Variants in WDR11 observed in about 807,000 individuals in gnomAD.
WDR11 encodes WD repeat domain 11.
WDR11 carries 83 observed loss-of-function variants against 151.2 expected under a neutral mutation model. The ratio of observed to expected loss-of-function variants is 0.55; its 90% CI spans 0.46 to 0.66. The LOEUF (loss-of-function observed/expected upper bound fraction) is 0.66. WDR11 is among the 30% of genes least tolerant of loss of function. The probability of loss-of-function intolerance (pLI) is 0.00; values close to 1 mark genes in which losing one functional copy is unlikely to be tolerated. For missense variants in WDR11, 1,301 were observed against 1,480.9 expected, an observed-to-expected ratio of 0.88 and a Z score of 1.99; for synonymous variants, 484 against 533.1, an observed-to-expected ratio of 0.91 and a Z score of 1.27.
Position 120,904,677 on chromosome 10 carries a change from C to G in WDR11, c.3059C>G (p.Thr1020Arg). Residue 1020 changes from threonine (T) to arginine (R), a missense_variant, in exon 25 of 29, where the codon ACA (threonine) becomes AGA (arginine). By Grantham distance (71) the Thr-to-Arg change is moderately conservative (BLOSUM62 -1). Transcript: ENST00000263461. Reference protein sequence around the residue: ...TDRAVQLLLETSADNQHYYCD... With the variant: ...TDRAVQLLLERSADNQHYYCD... The stretch of plus-strand genomic sequence containing the variant: ...AGAGCTGTGCAGTTGCTGTTGGAAA[C>G]AAGTGCAGATAACCAGCATTATTAC... The G allele has an allele frequency of 1.2e-6, 2 of 1,614,182 alleles. No homozygotes were observed. Among genetic ancestry groups the G allele is most frequent in the Non-Finnish European group, 1.7e-6 (2 of 1,180,022 alleles).
intron 5 of WDR11, among the ~76,000 whole-genome samples, chr10:120,863,184 T>C (rs903745789): frequency 2.6e-5 from 4 of 152,256 alleles, no homozygotes; most frequent in Non-Finnish European, 2.9e-5. Context: ...TGATTTTTAC[T>C]TGTGAAAATC....
chr10:120,889,074 C>A lies in WDR11; in HGVS notation c.2122-4C>A. 1 of 1,599,542 alleles carries A rather than the reference C, an allele frequency of 6.3e-7. No individual in the cohort carries two copies. Among genetic ancestry groups the A allele is most frequent in the Non-Finnish European group, 8.6e-7 (1 of 1,167,028 alleles). On this transcript the variant is annotated splice_region_variant and splice_polypyrimidine_tract_variant and intron_variant, in intron 16 of 28. Coordinates refer to ENST00000263461, the MANE Select transcript of WDR11 (RefSeq NM_018117.12). ...TATATTTGTTTGTTGCTGTTGTTTT[C>A]TAGGGAAGTATGGGTAGTATTACCT...
intron 9 of WDR11, chr10:120,868,762 G>A (rs1846408742): frequency 6.6e-6 from 1 of 152,142 alleles, no homozygotes; most frequent in Non-Finnish European, 1.5e-5. Context: ...GTCATCTTGG[G>A]TAAGACCATC....
Position 120,904,063 on chromosome 10 carries a change from G to A in WDR11, c.2948G>A (p.Arg983Lys), listed in dbSNP as rs1847940633. ...CAATTCTAGAAATTTCAGCTAGAAA[G>A]GGTTAATCTGCAGGAAGTGAAACGG... ...NAYFQKFQLE[R>K]VNLQEVKRST... Residue 983 changes from arginine (R) to lysine (K), a missense_variant, in exon 24 of 29, where the codon AGG (arginine) becomes AAG (lysine). Transcript: ENST00000263461. 1 of 1,611,890 alleles carries A rather than the reference G, an allele frequency of 6.2e-7. No homozygotes were observed. The highest frequency in any genetic ancestry group is 8.5e-7 in the Non-Finnish European group (1 of 1,178,412).
chr10:120,863,103 A>G (rs1427090523), intron 5 of WDR11, among the ~76,000 whole-genome samples, 182 bp downstream of exon 5: 1 of 152,198 alleles, frequency 6.6e-6, no homozygotes, highest in Non-Finnish European at 1.5e-5. Context: ...TCAGCATTTA[A>G]CATTGCCTTT....
rs372488758 is a variant in WDR11 at position 120,905,888 on chromosome 10, C to G, written c.3304C>G (p.Pro1102Ala). ...AAWLAKVRLN[P>A]EECADVLRRW... The stretch of plus-strand genomic sequence containing the variant: ...GCGTCTTTCTCAGGTCCGTTTGAAT[C>G]CTGAGGAGTGTGCCGATGTTTTAAG... Residue 1102 changes from proline (P) to alanine (A), a missense_variant, in exon 27 of 29, where the codon CCT becomes GCT. Pro to Ala is a conservative substitution (Grantham distance 27, BLOSUM62 -1). Coordinates refer to ENST00000263461, the MANE Select transcript of WDR11 (RefSeq NM_018117.12). The G allele has an allele frequency of 3.9e-5, 63 of 1,614,008 alleles. No homozygotes were observed. The highest frequency in any genetic ancestry group is 5.3e-5 in the Non-Finnish European group (63 of 1,180,018).
intron 19 of WDR11, among the ~76,000 whole-genome samples, chr10:120,898,605 G>C (rs1319176627): frequency 6.6e-6 from 1 of 152,092 alleles, no homozygotes; most frequent in Non-Finnish European, 1.5e-5. Flanking sequence ...AGCTGGTAGG[G>C]GGTGATTGGA....
chr10:120,861,367 C>T (rs1461315730), intron 4 of WDR11, among the ~76,000 whole-genome samples: 3 of 152,106 alleles, frequency 2.0e-5, no homozygotes, highest in African/African-American at 4.8e-5. Flanking sequence ...TGTATATGGA[C>T]GTGTGCATAC....
At chr10:120,859,983 C>A (rs1846084649) in intron 3 of WDR11, 126 bp from the exon 4 acceptor site, 15 of 1,002,202 alleles carry the variant, frequency 1.5e-5, no homozygotes, top group Non-Finnish European at 2.3e-5. Context: ...ACACACGTCA[C>A]ATTTGGGGCT....
intron 8 of WDR11, 78 bp from the exon 9 acceptor site, chr10:120,866,988 G>A: frequency 8.0e-7 from 1 of 1,242,768 alleles, no homozygotes. Flanking sequence ...GCCATAATCT[G>A]GACTTAATAC....
In WDR11 at chr10:120,883,802, A is replaced by G; in HGVS notation, c.1762A>G (p.Arg588Gly). The change falls in exon 14 of 29, where the codon AGA (arginine) becomes GGA (glycine). Residue 588 changes from arginine (R) to glycine (G), a missense_variant. Arg to Gly is a moderately radical substitution (Grantham distance 125). Around this residue, in one of 3 missense-constraint regions of WDR11, gnomAD observed 692 missense variants for 762.5 expected, o/e 0.91. Transcript: ENST00000263461. ...TAGGCAGTATTTGGCAGTCGTATTC[A>G]GAGATAAACCCCTGGAGCTATGGGA... ...HLKQYLAVVF[R>G]DKPLELWDVR... 1 of 1,613,524 alleles carries G rather than the reference A, an allele frequency of 6.2e-7. No homozygotes were observed. Among genetic ancestry groups the G allele is most frequent in the Non-Finnish European group, 8.5e-7 (1 of 1,179,592 alleles).
intron 2 of WDR11, among the ~76,000 whole-genome samples, 198 bp from the exon 3 acceptor site, chr10:120,858,445 A>G (rs921577826): frequency 1.3e-5 from 2 of 152,206 alleles, no homozygotes; most frequent in Non-Finnish European, 1.5e-5. Flanking sequence ...AAAGAAAACA[A>G]TTTTGTAACT....
chr10:120,871,680 T>A (rs1846549009), intron 10 of WDR11, among the ~76,000 whole-genome samples: 1 of 152,184 alleles, frequency 6.6e-6, no homozygotes, highest in Admixed American at 6.5e-5. Context: ...ACCACCCCAG[T>A]CTTTATGTCA....
intron 11 of WDR11, among the ~76,000 whole-genome samples, chr10:120,876,151 G>A (rs981486959): frequency 1.3e-5 from 2 of 151,512 alleles, no homozygotes; most frequent in African/African-American, 4.8e-5. Context: ...GCTAATTTTT[G>A]TATTTTTTAG....
At chr10:120,856,081 G>A (rs1207904582) in intron 2 of WDR11, 1 of 152,112 alleles carries the variant, frequency 6.6e-6, no homozygotes, top group African/African-American at 2.4e-5. Context: ...TCTTTATGTA[G>A]GTCCAAGTTT....
At chr10:120,901,013 C>G in intron 20 of WDR11, 23 bp from the exon 21 acceptor site, 1 of 1,531,402 alleles carries the variant, frequency 6.5e-7, no homozygotes. Flanking sequence ...ATAATGAACT[C>G]ATTCAAAATT....
rs1432819844 is a variant in WDR11 at position 120,903,192 on chromosome 10, A to G, written c.2891A>G (p.Asp964Gly). ...CGAGACAAACTGAGCAACCCACTGG[A>G]TATATGCTATGACGTGCTCTGTGAA... Reference protein sequence around the residue: ...APRDKLSNPLDICYDVLCENA... With the variant: ...APRDKLSNPLGICYDVLCENA... Residue 964 changes from aspartate to glycine, a missense_variant, in exon 23 of 29, where the codon GAT becomes GGT. Coordinates refer to ENST00000263461, the MANE Select transcript of WDR11 (RefSeq NM_018117.12). 1 of 1,614,094 alleles carries G rather than the reference A, an allele frequency of 6.2e-7. No homozygotes were observed. The highest frequency in any genetic ancestry group is 8.5e-7 in the Non-Finnish European group (1 of 1,180,032).
chr10:120,862,690 A>G (rs1846182999), intron 4 of WDR11, 45 bp from the exon 5 acceptor site: 1 of 1,589,772 alleles, frequency 6.3e-7, no homozygotes, highest in Non-Finnish European at 8.6e-7. Context: ...ACTGTATGCT[A>G]AACTTCATTA....
chr10:120,890,281 C>T (rs1047254320), intron 18 of WDR11, among the ~76,000 whole-genome samples: 14 of 152,026 alleles, frequency 9.2e-5, no homozygotes, highest in African/African-American at 3.1e-4. Flanking sequence ...GGCGCGATCT[C>T]GACTTATTGC....
Sources: allele counts gnomAD v4.1 joint callset (sites outside exome capture counted in the v4.1 genomes callset), GRCh38; gene constraint gnomAD v4.1.1; regional missense constraint gnomAD v4.1.1; transcripts MANE v1.5; gene names NCBI Gene and HGNC (gene_info 2026-07-23, HGNC 2026-07-21).